DAGLA: variants seen among roughly 807,000 people sequenced by gnomAD.
DAGLA encodes the protein diacylglycerol lipase alpha.
DAGLA carries 22 observed loss-of-function variants against 102.6 expected under a neutral mutation model. That is an observed-to-expected ratio of 0.21 (90% CI 0.15 to 0.31). The LOEUF (loss-of-function observed/expected upper bound fraction) is 0.31. Among genes scored for constraint, DAGLA ranks in the 10% least tolerant of loss-of-function variants. The probability of loss-of-function intolerance (pLI) is 1.00; values close to 1 mark genes in which losing one functional copy is unlikely to be tolerated. For synonymous variants in DAGLA, 578 were observed against 628.9 expected, an observed-to-expected ratio of 0.92 and a Z score of 1.21; for missense variants, 927 against 1,446.6, an observed-to-expected ratio of 0.64 and a Z score of 5.83.
At chr11:61,689,406 A>G (rs554487988) in intron 1 of DAGLA, among the ~76,000 whole-genome samples, 1 of 152,324 alleles carries the variant, frequency 6.6e-6, no homozygotes, top group South Asian at 2.1e-4. Context: ...TCAGCATAGC[A>G]CAGGCCTTCA....
At chr11:61,742,646 G>A (rs2135613104) in intron 19 of DAGLA, among the ~76,000 whole-genome samples, 1 of 152,310 alleles carries the variant, frequency 6.6e-6, no homozygotes, top group East Asian at 1.9e-4. Context: ...GGATGAGGAA[G>A]GAAGTGATGA....
chr11:61,742,569 G>A (rs1398220962), intron 19 of DAGLA, among the ~76,000 whole-genome samples: 2 of 152,140 alleles, frequency 1.3e-5, no homozygotes, highest in Admixed American at 6.5e-5. Context: ...GCTGGTCTGC[G>A]GAGCCAGGGG....
At chr11:61,703,332 A>C (rs909159262) in intron 1 of DAGLA, among the ~76,000 whole-genome samples, 2 of 150,404 alleles carry the variant, frequency 1.3e-5, no homozygotes, top group Admixed American at 6.6e-5. Flanking sequence ...ACTGAGTCCT[A>C]TGATGGGGGC....
intron 4 of DAGLA, among the ~76,000 whole-genome samples, chr11:61,723,173 G>A (rs2065298407): frequency 2.0e-5 from 3 of 152,186 alleles, no homozygotes. Context: ...AGCTGCTCAG[G>A]TCAAGCCGAG....
chr11:61,692,893 T>C (rs2187516), intron 1 of DAGLA, among the ~76,000 whole-genome samples: 31,230 of 150,576 alleles, frequency 0.21, 3,563 homozygotes, highest in South Asian at 0.31. Context: ...AAAAAAAAAA[T>C]GGTAGATGCC....
At chr11:61,736,040 C>T (rs76312140) in intron 12 of DAGLA, among the ~76,000 whole-genome samples, 3,406 of 152,250 alleles carry the variant, frequency 0.022, 123 homozygotes, top group African/African-American at 0.077. Context: ...GAGGCAGCTG[C>T]GGAGAGATCA....
intron 1 of DAGLA, among the ~76,000 whole-genome samples, chr11:61,697,153 CA>C (rs1391411240): frequency 6.6e-6 from 1 of 152,184 alleles, no homozygotes; most frequent in African/African-American, 2.4e-5. Flanking sequence ...TTCTGTGCCC[CA>C]GTGCCATGGA....
intron 18 of DAGLA, 37 bp from the exon 19 acceptor site, chr11:61,741,125 C>A (rs1439891047): frequency 8.3e-6 from 13 of 1,573,534 alleles, no homozygotes; most frequent in Non-Finnish European, 1.0e-5. Flanking sequence ...GCCTGATGTC[C>A]CTCCACCACC....
chr11:61,741,327 G>A lies in DAGLA; in HGVS notation c.2149G>A (p.Asp717Asn), dbSNP rs2065477443. 1 of 1,608,894 alleles carries A rather than the reference G, an allele frequency of 6.2e-7. No individual in the cohort carries two copies. The highest frequency in any genetic ancestry group is 8.5e-7 in the Non-Finnish European group (1 of 1,179,854). The change falls in exon 19 of 20, where the codon GAC (aspartate) becomes AAC (asparagine). Residue 717 changes from aspartate to asparagine, a missense_variant. Asp to Asn is a conservative substitution (Grantham distance 23). This residue lies in a region of DAGLA where 434 missense variants were observed against 503.3 expected (regional missense o/e 0.86). Coordinates refer to ENST00000257215, the MANE Select transcript of DAGLA (RefSeq NM_006133.3). The part of the protein sequence containing the change: ...TGLALELPTA[D>N]HRNSSVRSKS... ...CCTTGCCCTGGAGCTGCCGACTGCA[G>A]ACCACCGCAACAGCAGCGTCAGGTG... is the stretch of plus-strand genomic sequence containing the variant.
chr11:61,703,121 G>A (rs1396955437), intron 1 of DAGLA, among the ~76,000 whole-genome samples: 3 of 152,280 alleles, frequency 2.0e-5, no homozygotes, highest in Non-Finnish European at 2.9e-5. Flanking sequence ...TTCTCAGGCC[G>A]TGCTCCGAAA....
chr11:61,681,493 C>G (rs1237419247), intron 1 of DAGLA, among the ~76,000 whole-genome samples: 1 of 152,036 alleles, frequency 6.6e-6, no homozygotes, highest in African/African-American at 2.4e-5. Flanking sequence ...CAAGAGGTAA[C>G]CCGGGTCAGC....
chr11:61,728,284 C>T lies in DAGLA; in HGVS notation c.768C>T (p.Asp256=), dbSNP rs778831269. The stretch of plus-strand genomic sequence containing the variant: ...GGGCCAAGCGCAACGCCGTGCTGGA[C>T]GAGGTGAGCACCACCAGCCCCTTCT... The part of the protein sequence containing the change: ...RQRAKRNAVL[D]EANNDILAFL... The change falls in exon 7 of 20, where the codon GAC becomes GAT. Residue 256 remains aspartate (D), a synonymous_variant. Coordinates refer to ENST00000257215, the MANE Select transcript of DAGLA (RefSeq NM_006133.3). 167 of 1,610,498 alleles carry T rather than the reference C, an allele frequency of 1.0e-4. No homozygotes were observed. The highest frequency in any genetic ancestry group is 1.3e-4 in the Non-Finnish European group (155 of 1,179,898).
intron 1 of DAGLA, among the ~76,000 whole-genome samples, chr11:61,696,147 A>T (rs1051997017): frequency 6.6e-6 from 1 of 152,016 alleles, no homozygotes; most frequent in Non-Finnish European, 1.5e-5. Flanking sequence ...CCTCTGCGGG[A>T]GGGGCTGGGC....
At chr11:61,740,313 G>GGGAACA in intron 17 of DAGLA, 150 bp from the exon 18 acceptor site, 1 of 1,039,232 alleles carries the variant, frequency 9.6e-7, no homozygotes, top group Non-Finnish European at 1.4e-6. Context: ...AGCCAGGCCA[G>GGGAACA]GGAACAGAGC....
chr11:61,713,193 G>C (rs1479682796), intron 1 of DAGLA, among the ~76,000 whole-genome samples: 1 of 152,214 alleles, frequency 6.6e-6, no homozygotes, highest in Non-Finnish European at 1.5e-5. Context: ...GAGCTCCTCA[G>C]TCTGTAAGAA....
At chr11:61,717,932 GC>G (rs2065249488) in intron 1 of DAGLA, among the ~76,000 whole-genome samples, 1 of 152,222 alleles carries the variant, frequency 6.6e-6, no homozygotes, top group Admixed American at 6.5e-5. Flanking sequence ...ACTCCTTCCA[GC>G]CTGAGAGCTG....
intron 3 of DAGLA, among the ~76,000 whole-genome samples, chr11:61,722,258 C>G (rs1347827812): frequency 6.6e-6 from 1 of 152,194 alleles, no homozygotes; most frequent in Non-Finnish European, 1.5e-5. Flanking sequence ...GTGTCTGATT[C>G]CACAGTTCAG....
chr11:61,705,929 C>G (rs372795237), intron 1 of DAGLA, among the ~76,000 whole-genome samples: 1 of 152,214 alleles, frequency 6.6e-6, no homozygotes, highest in Non-Finnish European at 1.5e-5. Flanking sequence ...TCACACCTGC[C>G]GAGGCCAGGA....
intron 1 of DAGLA, among the ~76,000 whole-genome samples, chr11:61,713,665 G>A (rs2065211244): frequency 6.6e-6 from 1 of 152,244 alleles, no homozygotes; most frequent in South Asian, 2.1e-4. Flanking sequence ...AGCCCAGCGA[G>A]GCCAGACAGC....
Sources: gnomAD v4.1 joint callset for allele counts (sites outside exome capture counted in the v4.1 genomes callset) on GRCh38, gnomAD v4.1.1 for gene constraint, gnomAD v4.1.1 regional missense constraint, MANE v1.5 for transcripts, NCBI Gene and HGNC (gene_info 2026-07-23, HGNC 2026-07-21) for gene names.